PRKD3: variants seen among roughly 807,000 people sequenced by gnomAD.
The protein encoded by PRKD3 is serine/threonine-protein kinase D3.
In PRKD3, 47 loss-of-function variants were observed where a neutral mutation model predicts 99.2. The observed-to-expected ratio is 0.47, with a 90% confidence interval of 0.38 to 0.60. The LOEUF (loss-of-function observed/expected upper bound fraction) is 0.60. Ranked by LOEUF, PRKD3 falls within the 20% of genes least tolerant of loss-of-function variation. The pLI is 0.00. For synonymous variants in PRKD3, 392 were observed against 355.4 expected, an observed-to-expected ratio of 1.10 and a Z score of -1.16; for missense variants, 1,019 against 1,088.4, an observed-to-expected ratio of 0.94 and a Z score of 0.90.
At chr2:37,319,904 T>C (rs923504787) in intron 1 of PRKD3, among the ~76,000 whole-genome samples, 5 of 152,134 alleles carry the variant, frequency 3.3e-5, no homozygotes, top group African/African-American at 4.8e-5. Flanking sequence ...CTGCAGAGGG[T>C]AGACGAAAAA....
intron 13 of PRKD3, 49 bp from the exon 14 acceptor site, chr2:37,267,585 A>G: frequency 7.6e-7 from 1 of 1,313,736 alleles, no homozygotes; most frequent in Non-Finnish European, 1.1e-6. Context: ...TGACAGCTTT[A>G]TTAGGGAGTT....
At chr2:37,314,337 C>T (rs1194585654) in intron 2 of PRKD3, among the ~76,000 whole-genome samples, 1 of 152,152 alleles carries the variant, frequency 6.6e-6, no homozygotes, top group Non-Finnish European at 1.5e-5. Context: ...CAATCAATAA[C>T]TATTTTATAT....
chr2:37,271,089 TC>T (rs1669230693), intron 12 of PRKD3, among the ~76,000 whole-genome samples: 2 of 152,220 alleles, frequency 1.3e-5, no homozygotes, highest in Non-Finnish European at 2.9e-5. Flanking sequence ...AGTCCAATCT[TC>T]ATTGCAGTCT....
chr2:37,315,619 GA>G (rs1671624172), intron 2 of PRKD3, among the ~76,000 whole-genome samples: 1 of 152,158 alleles, frequency 6.6e-6, no homozygotes, highest in Admixed American at 6.5e-5. Flanking sequence ...TGTTTTCTCT[GA>G]AAACAAATGA....
chr2:37,280,833 G>C (rs1434084749), intron 7 of PRKD3, among the ~76,000 whole-genome samples: 1 of 152,156 alleles, frequency 6.6e-6, no homozygotes, highest in Non-Finnish European at 1.5e-5. Flanking sequence ...CCCATAGAAT[G>C]GGAGAAAATA....
chr2:37,302,450 C>A (rs191962168), intron 2 of PRKD3, among the ~76,000 whole-genome samples: 221 of 152,228 alleles, frequency 1.5e-3, no homozygotes, highest in Admixed American at 2.6e-3. Context: ...CTTTCTATAA[C>A]CATTTTAGAC....
At chr2:37,275,637 C>T in intron 10 of PRKD3, 130 bp downstream of exon 10, 2 of 999,358 alleles carry the variant, frequency 2.0e-6, no homozygotes, top group East Asian at 6.9e-5. Flanking sequence ...CAACAAGGAA[C>T]CTAACAGTGA....
At chr2:37,320,447 T>C (rs1408297313) in intron 1 of PRKD3, among the ~76,000 whole-genome samples, 3 of 147,290 alleles carry the variant, frequency 2.0e-5, no homozygotes, top group Non-Finnish European at 4.5e-5. Flanking sequence ...TTTTTTTTTT[T>C]TTGAGACAGA....
chr2:37,291,145 TTG>T (rs1670403600), intron 3 of PRKD3, 146 bp from the exon 4 acceptor site: 1 of 724,478 alleles, frequency 1.4e-6, no homozygotes, highest in Admixed American at 3.6e-5. Context: ...TTATTTAATA[TTG>T]TGATTTCAAA....
intron 15 of PRKD3, 36 bp downstream of exon 15, chr2:37,260,187 A>C: frequency 2.6e-6 from 4 of 1,547,032 alleles, no homozygotes; most frequent in South Asian, 1.2e-5. Flanking sequence ...ATTAGTTTTT[A>C]ATCGCTAGTT....
intron 6 of PRKD3, among the ~76,000 whole-genome samples, chr2:37,284,828 C>G (rs1237504200): frequency 6.6e-6 from 1 of 152,008 alleles, no homozygotes; most frequent in Non-Finnish European, 1.5e-5. Context: ...TTTTAGGGTA[C>G]ATGTGCACAA....
chr2:37,275,302 T>C (rs751245529), intron 10 of PRKD3, among the ~76,000 whole-genome samples: 6 of 152,166 alleles, frequency 3.9e-5, no homozygotes, highest in Non-Finnish European at 8.8e-5. Flanking sequence ...TCTTGCTTGC[T>C]ATCAGTTTGT....
chr2:37,266,168 C>A (rs958162202), intron 14 of PRKD3, among the ~76,000 whole-genome samples: 2 of 152,110 alleles, frequency 1.3e-5, no homozygotes, highest in African/African-American at 2.4e-5. Flanking sequence ...ATTATCATGC[C>A]TCTGAAAAAG....
chr2:37,316,642 CTTT>C lies in PRKD3; in HGVS notation c.-121_-119del, dbSNP rs375362129. 56 of 1,472,684 alleles carry C rather than the reference CTTT, an allele frequency of 3.8e-5. No individual in the cohort carries two copies. The African/African-American group carries it at 4.7e-4, about 12-fold the overall frequency. 91.2% of individuals were successfully genotyped at this position (1,472,684 alleles called of 1,614,324 possible). Reference sequence around the variant, plus strand: ...CACTTTTGGATTTAGTTGAAAACTTCTTTATTTCCTCTGTTAAGCCACTCATGC... The same window carrying C: ...CACTTTTGGATTTAGTTGAAAACTTCATTTCCTCTGTTAAGCCACTCATGC... On this transcript the variant is annotated 5_prime_UTR_variant, in exon 2 of 19. It adds an upstream start codon to the 5' untranslated region. Transcript: ENST00000234179.
intron 10 of PRKD3, among the ~76,000 whole-genome samples, chr2:37,275,109 T>C (rs1669500385): frequency 6.6e-6 from 1 of 152,156 alleles, no homozygotes; most frequent in South Asian, 2.1e-4. Flanking sequence ...TCTTGGTCAG[T>C]TGTTTAAGCC....
At position 37,256,628 on chromosome 2, in the gene PRKD3, A is replaced by ATTTTTTT. The variant is rs56389006; in HGVS notation, c.2413+27_2413+33dup. ...TTTAGGCTTAAAACACATAGCCAAAATTTTTTTTTTTTTTTTTTTTTTTTT... is the reference window on the plus strand; with the variant it reads ...TTTAGGCTTAAAACACATAGCCAAAATTTTTTTTTTTTTTTTTTTTTTTTTTTTTTTT... On this transcript the variant is annotated intron_variant, in intron 17 of 18. Coordinates refer to ENST00000234179, the MANE Select transcript of PRKD3 (RefSeq NM_005813.6). The ATTTTTTT allele has an allele frequency of 1.5e-5, 18 of 1,202,286 alleles. No homozygotes were observed. The South Asian group carries it at 2.2e-4, about 15-fold the overall frequency. The allele number at this position is 1,202,286 out of a possible 1,614,324, so 74.5% of individuals were successfully genotyped here.
At chr2:37,314,344 A>G (rs1012185070) in intron 2 of PRKD3, among the ~76,000 whole-genome samples, 1 of 152,190 alleles carries the variant, frequency 6.6e-6, no homozygotes. Context: ...TAACTATTTT[A>G]TATTTGTATA....
At chr2:37,294,245 G>A (rs1033340687) in intron 2 of PRKD3, among the ~76,000 whole-genome samples, 1 of 151,064 alleles carries the variant, frequency 6.6e-6, no homozygotes, top group East Asian at 2.0e-4. Context: ...ACAGGTGCAT[G>A]TCACCACTCC....
chr2:37,311,890 T>C (rs1282708080), intron 2 of PRKD3, among the ~76,000 whole-genome samples: 1 of 152,172 alleles, frequency 6.6e-6, no homozygotes, highest in Non-Finnish European at 1.5e-5. Flanking sequence ...AGGAAGGACC[T>C]GTTTAACCTC....
Sources: allele counts gnomAD v4.1 joint callset (sites outside exome capture counted in the v4.1 genomes callset), GRCh38; gene constraint gnomAD v4.1.1; transcripts MANE v1.5; gene names NCBI Gene and HGNC (gene_info 2026-07-23, HGNC 2026-07-21).